Variants in ST8SIA6 observed in about 807,000 individuals in gnomAD.
The protein encoded by ST8SIA6 is ST8 alpha-N-acetyl-neuraminide alpha-2,8-sialyltransferase 6, also known as alpha-2,8-sialyltransferase 8F.
Under a neutral mutation model 33.6 loss-of-function variants are expected in ST8SIA6, and 39 were observed. The observed-to-expected ratio is 1.16, with a 90% confidence interval of 0.90 to 1.52. The LOEUF (loss-of-function observed/expected upper bound fraction) is 1.52, where lower values mean the gene tolerates loss of function less well. Among genes scored for constraint, ST8SIA6 ranks in the 40% most tolerant of loss-of-function variants. ST8SIA6 has a pLI of 0.00. For synonymous variants in ST8SIA6, 172 were observed against 167.2 expected (o/e 1.03, Z -0.22); for missense variants, 441 against 443.8 (o/e 0.99, Z 0.06).
chr10:17,367,286 G>A (rs1313242091), intron 3 of ST8SIA6, among the ~76,000 whole-genome samples: 1 of 152,180 alleles, frequency 6.6e-6, no homozygotes, highest in Non-Finnish European at 1.5e-5. Flanking sequence ...AGGAGCAAGT[G>A]TACATCTTAC....
chr10:17,342,408 G>A (rs1391046552), intron 4 of ST8SIA6, among the ~76,000 whole-genome samples: 5 of 152,114 alleles, frequency 3.3e-5, no homozygotes, highest in Admixed American at 1.3e-4. Flanking sequence ...TGTTAACACC[G>A]AACCCAGCGC....
Position 17,417,622 on chromosome 10 carries a change from A to C in ST8SIA6, c.201-27002T>G, listed in dbSNP as rs1019631016. On this transcript the variant is annotated intron_variant, in intron 2 of 7. Coordinates refer to ENST00000377602, the MANE Select transcript of ST8SIA6 (RefSeq NM_001004470.3). ...CTGCACATTCTCCAGCACCAAGCACAGACCTGGCACACAATGAATGTTCAC... is the reference window on the plus strand; with the variant it reads ...CTGCACATTCTCCAGCACCAAGCACCGACCTGGCACACAATGAATGTTCAC... Among the ~76,000 whole-genome samples, 18 of 152,008 alleles carry C rather than the reference A, an allele frequency of 1.2e-4. 1 individual carries two copies. Among genetic ancestry groups the C allele is most frequent in the Admixed American group, 1.2e-3 (18 of 15,246 alleles).
intron 3 of ST8SIA6, among the ~76,000 whole-genome samples, chr10:17,378,294 C>G (rs552770951): frequency 6.6e-5 from 10 of 152,186 alleles, no homozygotes; most frequent in Admixed American, 1.3e-4. Context: ...TTTTCATCCT[C>G]GCTCACTCAG....
At position 17,333,987 on chromosome 10, in the gene ST8SIA6, C is replaced by T. The variant is rs187925671; in HGVS notation, c.378-2435G>A. Among the ~76,000 whole-genome samples the T allele has an allele frequency of 9.9e-3, 1,469 of 148,646 alleles. 25 individuals are homozygous for T. The highest frequency in any genetic ancestry group is 0.034 in the African/African-American group (1,378 of 40,718). The stretch of plus-strand genomic sequence containing the variant: ...TCTGCACCCTCAGCCTCCCAAAGTG[C>T]TGGGATTACAGGCGTGAGCCACTGC... On this transcript the variant is annotated intron_variant, in intron 4 of 7. Coordinates refer to ENST00000377602, the MANE Select transcript of ST8SIA6 (RefSeq NM_001004470.3).
chr10:17,443,114 C>T (rs1564467585), intron 2 of ST8SIA6, among the ~76,000 whole-genome samples: 2 of 152,222 alleles, frequency 1.3e-5, no homozygotes, highest in South Asian at 2.1e-4. Context: ...AAAATATGCC[C>T]ACAACTTAAT....
intron 4 of ST8SIA6, among the ~76,000 whole-genome samples, chr10:17,333,684 TATATATATATATATATATATATA>T (rs1848376379): frequency 6.2e-5 from 1 of 16,202 alleles, no homozygotes; most frequent in East Asian, 4.2e-3. Context: ...TATATATATA[TATATATATATATATATATATATA>T]TATATATATA....
At chr10:17,424,216 G>C in intron 2 of ST8SIA6, among the ~76,000 whole-genome samples, 1 of 151,164 alleles carries the variant, frequency 6.6e-6, no homozygotes, top group African/African-American at 2.4e-5. Context: ...CAATTCTCGT[G>C]CTTCAGCTTC....
chr10:17,333,705 A>ATC (rs1848393487), intron 4 of ST8SIA6, among the ~76,000 whole-genome samples: 1 of 25,650 alleles, frequency 3.9e-5, no homozygotes, highest in African/African-American at 2.1e-4. Flanking sequence ...ATATATATAT[A>ATC]TATATATATA....
chr10:17,335,959 AAT>A (rs1848485722), intron 4 of ST8SIA6, among the ~76,000 whole-genome samples: 1 of 129,530 alleles, frequency 7.7e-6, no homozygotes, highest in African/African-American at 3.4e-5. Flanking sequence ...GTTTTTGCTG[AAT>A]TTTTTTTTTT....
chr10:17,338,207 T>C (rs1848567885), intron 4 of ST8SIA6, among the ~76,000 whole-genome samples: 1 of 152,140 alleles, frequency 6.6e-6, no homozygotes, highest in African/African-American at 2.4e-5. Flanking sequence ...ACTAATTTTG[T>C]ATTTTTAGTA....
At chr10:17,414,338 T>G (rs140954577) in intron 2 of ST8SIA6, among the ~76,000 whole-genome samples, 249 of 152,310 alleles carry the variant, frequency 1.6e-3, no homozygotes, top group African/African-American at 5.6e-3. Context: ...TTATTTATTC[T>G]CCCGTCTCCT....
At chr10:17,349,556 C>G (rs904244707) in intron 4 of ST8SIA6, among the ~76,000 whole-genome samples, 1 of 152,164 alleles carries the variant, frequency 6.6e-6, no homozygotes, top group Non-Finnish European at 1.5e-5. Context: ...GATAAAGACA[C>G]TGGCTAGGAA....
At chr10:17,395,899 G>C (rs1850788663) in intron 2 of ST8SIA6, among the ~76,000 whole-genome samples, 2 of 152,170 alleles carry the variant, frequency 1.3e-5, no homozygotes, top group East Asian at 1.9e-4. Flanking sequence ...CTTCATACCA[G>C]AATTAGCTGA....
Position 17,454,115 on chromosome 10 carries a change from G to A in ST8SIA6, c.101+40C>T, listed in dbSNP as rs987638214. 6 of 260,604 alleles carry A rather than the reference G, an allele frequency of 2.3e-5. 1 individual carries two copies. Among genetic ancestry groups the A allele is most frequent in the African/African-American group, 1.1e-4 (5 of 44,304 alleles). The allele number at this position is 260,604 out of a possible 1,614,324, so 16.1% of individuals were successfully genotyped here. A position where few individuals can be genotyped will look rare whatever the true frequency, so the allele number is the denominator to read the frequency against. On this transcript the variant is annotated intron_variant, in intron 1 of 7. Transcript: ENST00000377602. The surrounding 1 kb of genome is among the most constrained non-coding windows in gnomAD (Gnocchi z 4.1). ...TGGGGGTCCGGGGGCGCCAGGCGGGGCGCGCGGCGCGGGGCGCGGCCGGCG... is the reference window on the plus strand; with the variant it reads ...TGGGGGTCCGGGGGCGCCAGGCGGGACGCGCGGCGCGGGGCGCGGCCGGCG...
chr10:17,392,029 AT>A (rs1447181869), intron 2 of ST8SIA6, among the ~76,000 whole-genome samples: 1 of 152,222 alleles, frequency 6.6e-6, no homozygotes, highest in African/African-American at 2.4e-5. Flanking sequence ...TAATGCATTT[AT>A]TTCATCATCC....
At chr10:17,358,172 G>A (rs963330026) in intron 4 of ST8SIA6, among the ~76,000 whole-genome samples, 1 of 152,088 alleles carries the variant, frequency 6.6e-6, no homozygotes, top group African/African-American at 2.4e-5. Context: ...CCAGTGGAGG[G>A]AAGATATACC....
chr10:17,440,797 ATT>A (rs1852458942), intron 2 of ST8SIA6, among the ~76,000 whole-genome samples: 1 of 152,188 alleles, frequency 6.6e-6, no homozygotes, highest in Admixed American at 6.5e-5. Context: ...TACAAAAGTC[ATT>A]ATAAAAGACA....
rs373896621 is a variant in ST8SIA6 at position 17,391,408 on chromosome 10, C to G, written c.201-788G>C. Reference sequence around the variant, plus strand: ...TCCCGAGTGGTGGGACTACAGGCGCCTGCCACCATGCCCGGCTAATTTTTT... The same window carrying G: ...TCCCGAGTGGTGGGACTACAGGCGCGTGCCACCATGCCCGGCTAATTTTTT... On this transcript the variant is annotated intron_variant, in intron 2 of 7. Transcript: ENST00000377602. 4.9e-4 allele frequency among the ~76,000 whole-genome samples: 75 copies of G among 152,136 alleles called. No homozygotes were observed. In the East Asian group the frequency reaches 0.014, roughly 28 times the overall value.
intron 6 of ST8SIA6, among the ~76,000 whole-genome samples, chr10:17,324,655 T>C (rs2357214): frequency 0.019 from 2,814 of 150,848 alleles, 30 homozygotes; most frequent in African/African-American, 0.023. Flanking sequence ...AAAATGCCTG[T>C]GTTTCTAGAT....
Sources: allele counts gnomAD v4.1 joint callset (sites outside exome capture counted in the v4.1 genomes callset), GRCh38; gene constraint gnomAD v4.1.1; non-coding constraint Gnocchi (gnomAD v3.1); transcripts MANE v1.5; gene names NCBI Gene and HGNC (gene_info 2026-07-23, HGNC 2026-07-21).